The following AGBL1 variants were observed in gnomAD, a reference collection of about 807,000 sequenced individuals.
AGBL1 encodes the protein cytosolic carboxypeptidase 4.
In AGBL1, 130 loss-of-function variants were observed where a neutral mutation model predicts 118.9. That is an observed-to-expected ratio of 1.09 (90% CI 0.95 to 1.26). The LOEUF is 1.26. AGBL1 is among the 50% of genes most tolerant of loss of function. The probability of loss-of-function intolerance (pLI) is 0.00; values close to 1 mark genes in which losing one functional copy is unlikely to be tolerated. For synonymous variants in AGBL1, 555 were observed against 478.9 expected, an observed-to-expected ratio of 1.16 and a Z score of -2.08; for missense variants, 1,584 against 1,298.1, an observed-to-expected ratio of 1.22 and a Z score of -3.38.
At chr15:86,222,703 C>T (rs77136948) in intron 5 of AGBL1, among the ~76,000 whole-genome samples, 6,295 of 152,204 alleles carry the variant, frequency 0.041, 400 homozygotes, top group African/African-American at 0.14. Flanking sequence ...TCTAGTTTCT[C>T]AGGAATAAGC....
At chr15:86,651,649 C>A (rs1428151316) in intron 21 of AGBL1, among the ~76,000 whole-genome samples, 1 of 152,108 alleles carries the variant, frequency 6.6e-6, no homozygotes, top group Admixed American at 6.6e-5. Flanking sequence ...TCCTGTTTTC[C>A]CACTCCTCTT....
At chr15:86,600,689 A>G (rs539075134) in intron 21 of AGBL1, among the ~76,000 whole-genome samples, 1 of 152,168 alleles carries the variant, frequency 6.6e-6, no homozygotes, top group Non-Finnish European at 1.5e-5. Context: ...GCTGAATCAG[A>G]AAGAATCTGG....
chr15:86,737,482 A>AG (rs2077618830), intron 22 of AGBL1, among the ~76,000 whole-genome samples: 1 of 152,200 alleles, frequency 6.6e-6, no homozygotes, highest in East Asian at 1.9e-4. Context: ...AAGAAAATGG[A>AG]GGTTTCAAAA....
At chr15:86,639,873 A>G (rs896992386) in intron 21 of AGBL1, among the ~76,000 whole-genome samples, 2 of 152,122 alleles carry the variant, frequency 1.3e-5, no homozygotes, top group African/African-American at 4.8e-5. Context: ...GCAGGTTTTT[A>G]TCTCTATAAC....
chr15:86,240,210 C>T (rs2078619860), intron 6 of AGBL1, among the ~76,000 whole-genome samples: 1 of 152,138 alleles, frequency 6.6e-6, no homozygotes, highest in Non-Finnish European at 1.5e-5. Context: ...TGAGATGATC[C>T]ATATAAGATG....
At chr15:86,409,096 G>A (rs1405902152) in intron 18 of AGBL1, among the ~76,000 whole-genome samples, 2 of 152,284 alleles carry the variant, frequency 1.3e-5, no homozygotes, top group South Asian at 2.1e-4. Flanking sequence ...CCTGGCAAAT[G>A]CCTGTCAGTA....
chr15:86,540,824 C>G (rs1188976984), intron 19 of AGBL1, among the ~76,000 whole-genome samples: 1 of 152,130 alleles, frequency 6.6e-6, no homozygotes, highest in African/African-American at 2.4e-5. Flanking sequence ...GTTTGAGAAA[C>G]AAGCAGAACA....
intron 22 of AGBL1, among the ~76,000 whole-genome samples, chr15:86,819,841 C>T (rs1202024374): frequency 6.6e-6 from 1 of 152,106 alleles, no homozygotes; most frequent in South Asian, 2.1e-4. Context: ...CAAGACAATC[C>T]TAAGCAAAAA....
chr15:86,566,868 T>C (rs1045669888), intron 21 of AGBL1, among the ~76,000 whole-genome samples: 1 of 152,236 alleles, frequency 6.6e-6, no homozygotes, highest in African/African-American at 2.4e-5. Context: ...CTGTGTCAGA[T>C]GTAGAGTTCC....
chr15:86,177,516 A>T (rs2077497390), intron 5 of AGBL1, among the ~76,000 whole-genome samples: 1 of 152,198 alleles, frequency 6.6e-6, no homozygotes. Context: ...CTGCAATGGA[A>T]TTTTTACAAA....
chr15:86,463,721 G>C (rs866009712), intron 18 of AGBL1, among the ~76,000 whole-genome samples: 1 of 152,046 alleles, frequency 6.6e-6, no homozygotes, highest in African/African-American at 2.4e-5. Flanking sequence ...GCTTGTTTTT[G>C]TCGGATTTGT....
In AGBL1 at chr15:86,653,646, C is replaced by T. The variant is rs558207775; in HGVS notation, c.2995-20627C>T. On this transcript the variant is annotated intron_variant, in intron 21 of 22. Transcript: ENST00000614907. ...ATGGGTTGATTCACCCTACCTATGC[C>T]ATCCCCCTAGTGACCACAGGCTGTC... is the stretch of plus-strand genomic sequence containing the variant. Among the ~76,000 whole-genome samples the T allele has an allele frequency of 7.2e-5, 11 of 152,254 alleles. No homozygotes were observed. In the East Asian group the frequency reaches 1.9e-3, roughly 27 times the overall value.
At chr15:86,659,029 G>C (rs2085501349) in intron 21 of AGBL1, among the ~76,000 whole-genome samples, 1 of 152,168 alleles carries the variant, frequency 6.6e-6, no homozygotes, top group South Asian at 2.1e-4. Flanking sequence ...TATTCACAAA[G>C]ACAGAAGTAA....
At chr15:86,175,266 C>T (rs1046114986) in intron 5 of AGBL1, among the ~76,000 whole-genome samples, 25 of 151,942 alleles carry the variant, frequency 1.6e-4, no homozygotes, top group Non-Finnish European at 8.8e-5. Context: ...TCCAGGGATT[C>T]ATCATTTTCC....
intron 17 of AGBL1, among the ~76,000 whole-genome samples, chr15:86,331,163 G>T (rs564301271): frequency 1.5e-4 from 22 of 146,258 alleles, no homozygotes; most frequent in African/African-American, 5.6e-4. Flanking sequence ...GGCAGAGGTT[G>T]CACTGAGCCA....
intron 22 of AGBL1, among the ~76,000 whole-genome samples, chr15:86,691,914 C>T (rs1234094251): frequency 6.6e-6 from 1 of 151,946 alleles, no homozygotes; most frequent in Non-Finnish European, 1.5e-5. Flanking sequence ...CAATCATTAA[C>T]CTTTAAGGTG....
intron 22 of AGBL1, among the ~76,000 whole-genome samples, chr15:86,892,592 C>G (rs1217500671): frequency 6.6e-6 from 1 of 152,136 alleles, no homozygotes; most frequent in Non-Finnish European, 1.5e-5. Context: ...TTGATAAGAT[C>G]TACCCCATAG....
chr15:86,429,570 G>C (rs1202640323), intron 18 of AGBL1, among the ~76,000 whole-genome samples: 2 of 152,118 alleles, frequency 1.3e-5, no homozygotes, highest in Non-Finnish European at 2.9e-5. Flanking sequence ...ATGCCTCCTG[G>C]GACCGTAACT....
At chr15:86,455,112 C>T (rs2082243591) in intron 18 of AGBL1, among the ~76,000 whole-genome samples, 1 of 152,088 alleles carries the variant, frequency 6.6e-6, no homozygotes, top group South Asian at 2.1e-4. Flanking sequence ...TGGCCTCTCC[C>T]TGGGAGAATA....
Sources: allele counts gnomAD v4.1 joint callset (sites outside exome capture counted in the v4.1 genomes callset), GRCh38; gene constraint gnomAD v4.1.1; transcripts MANE v1.5; gene names NCBI Gene and HGNC (gene_info 2026-07-23, HGNC 2026-07-21).